Variants in GLIS3 observed in about 807,000 individuals in gnomAD.
GLIS3 encodes the protein GLIS family zinc finger 3, also known as zinc finger protein GLIS3.
Under a neutral mutation model 78.6 loss-of-function variants are expected in GLIS3, and 53 were observed. That is an observed-to-expected ratio of 0.67 (90% CI 0.54 to 0.85). The LOEUF (loss-of-function observed/expected upper bound fraction) is 0.85, where lower values mean the gene tolerates loss of function less well. Ranked by LOEUF, GLIS3 falls within the 40% of genes least tolerant of loss-of-function variation. GLIS3 has a pLI of 0.00. For missense variants in GLIS3, 1,703 were observed against 1,231.1 expected, an observed-to-expected ratio of 1.38 and a Z score of -5.74; for synonymous variants, 684 against 509.9, an observed-to-expected ratio of 1.34 and a Z score of -4.60.
In GLIS3 at chr9:4,118,394, G is replaced by C. The variant is rs1227609219; in HGVS notation, c.1084C>G (p.Pro362Ala). 1.2e-6 allele frequency: 2 copies of C among 1,604,018 alleles called. No homozygotes were observed. Among genetic ancestry groups the C allele is most frequent in the Non-Finnish European group, 1.7e-6 (2 of 1,178,504 alleles). ...TTCTGGCTGCCGGGCACCGGGCGCG[G>C]CTGGGGAATGCAGCTGCCGCGCACG... ...LGVRGSCIPQ[P>A]RPVPGSQKGV... The change falls in exon 4 of 11, where the codon CCG (proline) becomes GCG (alanine). Residue 362 changes from proline to alanine, a missense_variant. By Grantham distance (27) the Pro-to-Ala change is conservative. Transcript: ENST00000381971. This position sits in a 1 kb window ranked among gnomAD's most constrained non-coding sequence, Gnocchi z 4.7.
chr9:4,037,574 A>ACACACACACACG (rs1330303875), intron 4 of GLIS3, among the ~76,000 whole-genome samples: 1 of 152,002 alleles, frequency 6.6e-6, no homozygotes, highest in Admixed American at 6.6e-5. Context: ...ACACACACAC[A>ACACACACACACG]CACACACACA....
chr9:4,274,411 G>C (rs1157946174), intron 2 of GLIS3, among the ~76,000 whole-genome samples: 3 of 152,024 alleles, frequency 2.0e-5, no homozygotes, highest in Non-Finnish European at 4.4e-5. Context: ...GATATTCTCA[G>C]GGCAAGCGCA....
chr9:4,064,916 G>A (rs752338340), intron 4 of GLIS3, among the ~76,000 whole-genome samples: 1 of 152,184 alleles, frequency 6.6e-6, no homozygotes, highest in East Asian at 1.9e-4. Context: ...TGAATCCCCA[G>A]GGAGCTGTAA....
At chr9:4,353,471 G>A in the GLIS3 span, among the ~76,000 whole-genome samples, 1 of 152,186 alleles carries the variant, frequency 6.6e-6, no homozygotes, top group South Asian at 2.1e-4. Context: ...GCCAGGGATT[G>A]TCTCTGGACT....
intron 7 of GLIS3, among the ~76,000 whole-genome samples, chr9:3,893,947 T>C (rs113762079): frequency 0.062 from 9,367 of 152,264 alleles, 405 homozygotes; most frequent in African/African-American, 0.11. Flanking sequence ...CAGAGAAGTA[T>C]GAAGCTTGCT....
In GLIS3 at chr9:4,288,765, A is replaced by T. The variant is rs556202800; in HGVS notation, c.-98-2242T>A. On this transcript the variant is annotated intron_variant, in intron 1 of 10. Coordinates refer to ENST00000381971, the MANE Select transcript of GLIS3 (RefSeq NM_001042413.2). ...TAAAAACAACAAAAAGTATACTTAA[A>T]TTTTATTACTAAGAAAGCAACAGCC... 9.2e-5 allele frequency among the ~76,000 whole-genome samples: 14 copies of T among 152,300 alleles called. No homozygotes were observed. In the East Asian group the frequency reaches 2.7e-3, roughly 29 times the overall value.
At chr9:4,365,819 C>A in the GLIS3 span, among the ~76,000 whole-genome samples, 1 of 152,186 alleles carries the variant, frequency 6.6e-6, no homozygotes, top group African/African-American at 2.4e-5. Flanking sequence ...AATGTCACCA[C>A]CAAGTATTCA....
chr9:4,050,076 G>C (rs11790884), intron 4 of GLIS3, among the ~76,000 whole-genome samples: 23,857 of 152,036 alleles, frequency 0.16, 2,444 homozygotes, highest in East Asian at 0.47. Context: ...AATACCATTT[G>C]ACCCAGCCAT....
the GLIS3 span, among the ~76,000 whole-genome samples, chr9:4,385,793 GAA>G: frequency 4.7e-3 from 357 of 75,714 alleles, 18 homozygotes; most frequent in African/African-American, 0.021. Context: ...AAGAAAGAAA[GAA>G]AGAAAGAAAG....
intron 4 of GLIS3, among the ~76,000 whole-genome samples, chr9:4,115,912 G>C (rs1449301455): frequency 6.6e-6 from 1 of 152,138 alleles, no homozygotes; most frequent in Non-Finnish European, 1.5e-5. Flanking sequence ...CAGAGGAAGA[G>C]AAATCATCTC....
At chr9:4,400,741 G>A in the GLIS3 span, among the ~76,000 whole-genome samples, 1 of 152,182 alleles carries the variant, frequency 6.6e-6, no homozygotes, top group African/African-American at 2.4e-5. Flanking sequence ...CAGTAGGATA[G>A]GGCTCTGGGC....
At chr9:4,444,740 A>C in the GLIS3 span, among the ~76,000 whole-genome samples, 19 of 152,324 alleles carry the variant, frequency 1.2e-4, 1 homozygote, top group East Asian at 3.5e-3. Context: ...CATGCCTTAC[A>C]CACATCCACT....
chr9:3,860,716 C>T (rs937291669), intron 8 of GLIS3, among the ~76,000 whole-genome samples: 1 of 152,184 alleles, frequency 6.6e-6, no homozygotes, highest in African/African-American at 2.4e-5. Context: ...AATTCCCCAC[C>T]TTTTCCCAGG....
chr9:4,465,980 C>G, the GLIS3 span, among the ~76,000 whole-genome samples: 5 of 152,074 alleles, frequency 3.3e-5, no homozygotes, highest in African/African-American at 9.7e-5. Context: ...GCCCACAAAA[C>G]AGAAAAACAA....
chr9:4,209,214 C>G (rs7045839), intron 2 of GLIS3, among the ~76,000 whole-genome samples: 100,046 of 151,920 alleles, frequency 0.66, 33,458 homozygotes, highest in African/African-American at 0.77. Context: ...CACTCAAAGA[C>G]GTAAAATTAC....
chr9:4,177,116 T>C, intron 2 of GLIS3, among the ~76,000 whole-genome samples: 1 of 150,922 alleles, frequency 6.6e-6, no homozygotes, highest in Non-Finnish European at 1.5e-5. Flanking sequence ...TGTTATCTTG[T>C]CAATTTGATG....
chr9:4,266,312 T>C (rs1487168862), intron 2 of GLIS3, among the ~76,000 whole-genome samples: 3 of 152,066 alleles, frequency 2.0e-5, no homozygotes, highest in Non-Finnish European at 2.9e-5. Context: ...AAGCTTCCAG[T>C]ATCTGACTAT....
At chr9:3,866,244 C>T (rs1399754139) in intron 8 of GLIS3, among the ~76,000 whole-genome samples, 3 of 152,132 alleles carry the variant, frequency 2.0e-5, no homozygotes, top group Admixed American at 6.5e-5. Context: ...GACTGGGGCC[C>T]CTGTAGTGTA....
intron 9 of GLIS3, among the ~76,000 whole-genome samples, chr9:3,838,520 G>A (rs1021427372): frequency 2.6e-5 from 4 of 152,114 alleles, no homozygotes; most frequent in African/African-American, 9.7e-5. Flanking sequence ...AATGGGCATG[G>A]GAAAGCAGAT....
Sources: gnomAD v4.1 joint callset for allele counts (sites outside exome capture counted in the v4.1 genomes callset) on GRCh38, gnomAD v4.1.1 for gene constraint, Gnocchi (gnomAD v3.1) non-coding constraint, MANE v1.5 for transcripts, NCBI Gene and HGNC (gene_info 2026-07-23, HGNC 2026-07-21) for gene names.